The following ERI1 variants were observed in gnomAD, a reference collection of about 807,000 sequenced individuals.
ERI1 encodes 3'-5' exoribonuclease 1.
Under a neutral mutation model 39.7 loss-of-function variants are expected in ERI1, and 39 were observed. That is an observed-to-expected ratio of 0.98 (90% CI 0.76 to 1.28). The LOEUF is 1.28. Among genes scored for constraint, ERI1 ranks in the 50% most tolerant of loss-of-function variants. The pLI is 0.00. For missense variants in ERI1, 581 were observed against 416.9 expected, an observed-to-expected ratio of 1.39 and a Z score of -3.43; for synonymous variants, 204 against 149.6, an observed-to-expected ratio of 1.36 and a Z score of -2.65.
intron 3 of ERI1, among the ~76,000 whole-genome samples, chr8:9,098,102 G>C (rs969956127): frequency 1.3e-5 from 2 of 152,194 alleles, no homozygotes; most frequent in African/African-American, 4.8e-5. Flanking sequence ...TGATACAGTG[G>C]GCCGGGCACA....
rs1197719498 is a variant in ERI1 at position 9,008,011 on chromosome 8, A to G, written c.150A>G (p.Gly50=). ...AATTTGATGGCCAGGAGACAAAAGG[A>G]TCCAAGTTCATTACCTCCAGTGCGA... ...QCKFDGQETK[G]SKFITSSASD... The change falls in exon 2 of 7, where the codon GGA becomes GGG. Residue 50 remains glycine, a synonymous_variant. Coordinates refer to ENST00000250263, the MANE Select transcript of ERI1 (RefSeq NM_153332.4). 4 of 1,588,990 alleles carry G rather than the reference A, an allele frequency of 2.5e-6. No individual in the cohort carries two copies. The highest frequency in any genetic ancestry group is 2.2e-5 in the South Asian group (2 of 89,678).
At chr8:9,036,806 T>C (rs1251284280), downstream of ERI1, among the ~76,000 whole-genome samples, 5 of 152,226 alleles carry the variant, frequency 3.3e-5, no homozygotes, top group African/African-American at 1.2e-4. Context: ...AGGGCAGCGA[T>C]TGAGCCTTCC....
chr8:9,033,642 T>C (rs566972157), downstream of ERI1, among the ~76,000 whole-genome samples: 146 of 152,352 alleles, frequency 9.6e-4, no homozygotes, highest in Non-Finnish European at 1.6e-3. Context: ...AGTAAGAATC[T>C]GGTGATGGAG....
At chr8:9,023,704 C>G (rs201862138) in intron 6 of ERI1, among the ~76,000 whole-genome samples, 1 of 59,924 alleles carries the variant, frequency 1.7e-5, no homozygotes, top group Admixed American at 3.1e-4. Context: ...CTAAATAAAA[C>G]TCTCTGTCAC....
chr8:9,074,779 G>A (rs768154395), intron 3 of ERI1, among the ~76,000 whole-genome samples: 14 of 152,174 alleles, frequency 9.2e-5, no homozygotes, highest in Non-Finnish European at 1.8e-4. Flanking sequence ...GGAACTTCCT[G>A]TCATATTTCC....
intron 3 of ERI1, 22 bp from the exon 4 acceptor site, chr8:9,016,300 A>G: frequency 6.6e-7 from 1 of 1,515,144 alleles, no homozygotes; most frequent in Non-Finnish European, 9.1e-7. Context: ...AATTACTTTA[A>G]CTTGCTATCC....
rs1189578624 is a variant in ERI1, at chr8:9,007,761, C to T, written c.109-209C>T. Among the ~76,000 whole-genome samples, 4 of 152,086 alleles carry T rather than the reference C, an allele frequency of 2.6e-5. No individual in the cohort carries two copies. The East Asian group carries it at 7.7e-4, about 29-fold the overall frequency. On this transcript the variant is annotated intron_variant, in intron 1 of 6. Coordinates refer to ENST00000250263, the MANE Select transcript of ERI1 (RefSeq NM_153332.4). ...TTGTTTCCTTTGAGGAACCTCATGA[C>T]TCATAATAGAGTGGGGTAAATTGTA...
rs546325551 is a variant in ERI1 at position 9,031,757 on chromosome 8, T to TTTGTTG, written c.*1735_*1740dup. 2.0e-5 allele frequency: 3 copies of TTTGTTG among 152,084 alleles called. No individual in the cohort carries two copies. The highest frequency in any genetic ancestry group is 4.8e-5 in the African/African-American group (2 of 41,392). The allele number at this position is 152,084 out of a possible 1,614,324, so 9.4% of individuals were successfully genotyped here. On this transcript the variant is annotated 3_prime_UTR_variant, in exon 7 of 7. Transcript: ENST00000250263. Reference sequence around the variant, plus strand: ...ACATTATAAGCTCTCAGTACCCTATTTTGTTGTTGTTGTTGTTTGAGACAG... The same window carrying TTTGTTG: ...ACATTATAAGCTCTCAGTACCCTATTTTGTTGTTGTTGTTGTTGTTGTTTGAGACAG...
chr8:9,085,083 G>C (rs1021814324), intron 3 of ERI1, among the ~76,000 whole-genome samples: 3 of 152,088 alleles, frequency 2.0e-5, no homozygotes, highest in African/African-American at 7.2e-5. Context: ...CAGAAATTTG[G>C]GGGTGGGGCC....
In ERI1 at chr8:9,053,260, G is replaced by A. The variant is rs892865646; in HGVS notation, n.299+32796G>A. Among the ~76,000 whole-genome samples, 6 of 152,098 alleles carry A rather than the reference G, an allele frequency of 3.9e-5. No homozygotes were observed. The East Asian group carries it at 9.6e-4, about 24-fold the overall frequency. ...TCGAACTCCTGACCTCAAGTGGTCCGCCTGCCTTGGCCTCTCAAATTGCTG... is the reference window on the plus strand; with the variant it reads ...TCGAACTCCTGACCTCAAGTGGTCCACCTGCCTTGGCCTCTCAAATTGCTG... On this transcript the variant is annotated intron_variant and non_coding_transcript_variant, in intron 3 of 3. Coordinates refer to the ERI1 transcript ENST00000518663.
At chr8:9,077,492 G>A (rs912062801) in intron 3 of ERI1, among the ~76,000 whole-genome samples, 7 of 123,030 alleles carry the variant, frequency 5.7e-5, no homozygotes, top group African/African-American at 1.0e-4. Flanking sequence ...GCTGACTGAC[G>A]CTTTTATACC....
In ERI1 at chr8:9,029,890, C is replaced by T. The variant is rs757688816; in HGVS notation, c.906C>T (p.Ile302=). The T allele has an allele frequency of 9.3e-6, 15 of 1,614,004 alleles. No homozygotes were observed. The highest frequency in any genetic ancestry group is 4.5e-5 in the East Asian group (2 of 44,892). Residue 302 remains isoleucine (I), a synonymous_variant, in exon 7 of 7, where the codon ATC becomes ATT. Coordinates refer to ENST00000250263, the MANE Select transcript of ERI1 (RefSeq NM_153332.4). ...PHCGLDDSKN[I]ARIAVRMLQD... ...GTGGTCTTGATGACTCTAAGAATAT[C>T]GCCCGAATAGCAGTTCGAATGCTTC...
At chr8:9,005,469 A>G (rs1184583665) in intron 1 of ERI1, among the ~76,000 whole-genome samples, 1 of 152,058 alleles carries the variant, frequency 6.6e-6, no homozygotes, top group Non-Finnish European at 1.5e-5. Flanking sequence ...TTTTTGTAAA[A>G]GAAAATTTGT....
intron 3 of ERI1, among the ~76,000 whole-genome samples, chr8:9,086,043 T>C (rs1585296915): frequency 6.6e-6 from 1 of 152,156 alleles, no homozygotes; most frequent in Non-Finnish European, 1.5e-5. Flanking sequence ...ATCCTACTAT[T>C]AGGAAATAAC....
At chr8:9,004,485 CTT>C (rs71201904) in intron 1 of ERI1, among the ~76,000 whole-genome samples, 3,793 of 78,226 alleles carry the variant, frequency 0.048, 203 homozygotes, top group African/African-American at 0.15. Flanking sequence ...TATAGTGATA[CTT>C]TTTTTTTTTT....
At chr8:9,007,885 A>C in intron 1 of ERI1, 85 bp from the exon 2 acceptor site, 3 of 1,495,548 alleles carry the variant, frequency 2.0e-6, no homozygotes, top group Non-Finnish European at 2.7e-6. Flanking sequence ...AGAAGTTTGA[A>C]AGTTTGAATC....
At chr8:9,079,504 G>C (rs1281646243) in intron 3 of ERI1, among the ~76,000 whole-genome samples, 1 of 152,054 alleles carries the variant, frequency 6.6e-6, no homozygotes, top group East Asian at 1.9e-4. Flanking sequence ...GTCCAGAATG[G>C]GCTAGCAAAA....
At chr8:9,052,931 G>T (rs1798404743) in intron 3 of ERI1, among the ~76,000 whole-genome samples, 1 of 152,200 alleles carries the variant, frequency 6.6e-6, no homozygotes, top group Non-Finnish European at 1.5e-5. Flanking sequence ...GGAACTTTTG[G>T]CTCCACCCCT....
At chr8:9,026,694 AT>A (rs1445635439) in intron 6 of ERI1, among the ~76,000 whole-genome samples, 2 of 152,188 alleles carry the variant, frequency 1.3e-5, no homozygotes, top group African/African-American at 4.8e-5. Context: ...CTCAAAAGAA[AT>A]TCTCATTGGA....
Sources: allele counts gnomAD v4.1 joint callset (sites outside exome capture counted in the v4.1 genomes callset), GRCh38; gene constraint gnomAD v4.1.1; transcripts MANE v1.5; gene names NCBI Gene and HGNC (gene_info 2026-07-23, HGNC 2026-07-21).